Variants in TRHR observed in about 807,000 individuals in gnomAD.
The protein encoded by TRHR is thyrotropin-releasing hormone receptor.
A neutral mutation model predicts 28.0 loss-of-function variants in TRHR; 14 were observed. That is an observed-to-expected ratio of 0.50 (90% CI 0.33 to 0.78). TRHR has a LOEUF of 0.78. Ranked by LOEUF, TRHR falls within the 30% of genes least tolerant of loss-of-function variation. TRHR has a pLI of 0.02. For synonymous variants in TRHR, 176 were observed against 171.9 expected (o/e 1.02, Z -0.18); for missense variants, 438 against 469.5 (o/e 0.93, Z 0.62).
At chr8:109,116,815 TGAA>T (rs1462453393) in intron 2 of TRHR, among the ~76,000 whole-genome samples, 3 of 151,956 alleles carry the variant, frequency 2.0e-5, no homozygotes, top group Non-Finnish European at 2.9e-5. Context: ...AGTAGGGAAA[TGAA>T]GAAATTTTCC....
chr8:109,115,075 G>A (rs1484805500), intron 2 of TRHR, among the ~76,000 whole-genome samples: 1 of 152,048 alleles, frequency 6.6e-6, no homozygotes, highest in Non-Finnish European at 1.5e-5. Context: ...TAAAGAAGCT[G>A]TCTTTCATAT....
chr8:109,112,667 A>G (rs1811852831), intron 2 of TRHR, among the ~76,000 whole-genome samples: 2 of 152,102 alleles, frequency 1.3e-5, no homozygotes, highest in South Asian at 4.1e-4. Flanking sequence ...TGGCAACAAT[A>G]TTATGTCTTT....
chr8:109,103,466 G>A (rs1393481618), intron 2 of TRHR, among the ~76,000 whole-genome samples: 12 of 152,098 alleles, frequency 7.9e-5, no homozygotes. Flanking sequence ...TTAATAAACA[G>A]GATCGATCAA....
intron 2 of TRHR, among the ~76,000 whole-genome samples, chr8:109,093,684 A>G (rs926656498): frequency 6.6e-6 from 1 of 151,848 alleles, no homozygotes; most frequent in African/African-American, 2.4e-5. Context: ...GATTACAGGC[A>G]TGAGCCACCA....
rs1811461888 is a variant in TRHR, at chr8:109,087,881, G to A, written c.369G>A (p.Arg123=). The A allele has an allele frequency of 3.7e-6, 6 of 1,614,026 alleles. No individual in the cohort carries two copies. Among genetic ancestry groups the A allele is most frequent in the South Asian group, 1.1e-5 (1 of 91,082 alleles). The change falls in exon 2 of 3, where the codon AGG becomes AGA. Residue 123 remains arginine (R), a synonymous_variant. Transcript: ENST00000518632. ...CAATAACAGCCTTTACCATTGAGAG[G>A]TACATAGCAATCTGTCACCCCATCA... ...SCSITAFTIE[R]YIAICHPIKA... is the part of the protein sequence containing the mutation.
intron 1 of TRHR, 63 bp downstream of exon 1, chr8:109,086,946 C>G (rs1811443018): frequency 6.3e-6 from 1 of 158,468 alleles, no homozygotes; most frequent in Non-Finnish European, 1.4e-5. Flanking sequence ...AATGTCATCT[C>G]AAAGGCTTGC....
Position 109,119,363 on chromosome 8 carries a change from G to T in TRHR, c.1105G>T (p.Asp369Tyr). 1 of 1,612,370 alleles carries T rather than the reference G, an allele frequency of 6.2e-7. No homozygotes were observed. Among genetic ancestry groups the T allele is most frequent in the Non-Finnish European group, 8.5e-7 (1 of 1,179,034 alleles). Residue 369 changes from aspartate (D) to tyrosine (Y), a missense_variant, in exon 3 of 3, where the codon GAT becomes TAT. Physicochemically the swap from Asp to Tyr is radical, Grantham distance 160 (BLOSUM62 -3). Coordinates refer to ENST00000518632, the MANE Select transcript of TRHR (RefSeq NM_003301.7). Reference sequence around the variant, plus strand: ...AGACCATTTCAGCACAGAGCTTGATGATATCACTGTCACTGACACTTACCT... The same window carrying T: ...AGACCATTTCAGCACAGAGCTTGATTATATCACTGTCACTGACACTTACCT... ...ESDHFSTELDDITVTDTYLSA... is the reference protein window; with the variant it reads ...ESDHFSTELDYITVTDTYLSA...
chr8:109,088,042 T>C lies in TRHR; in HGVS notation c.530T>C (p.Ile177Thr), dbSNP rs1811465815. 8.7e-6 allele frequency: 14 copies of C among 1,614,180 alleles called. No individual in the cohort carries two copies. In the East Asian group the frequency reaches 1.1e-4, roughly 13 times the overall value. ...AGCACCTACAAAGATGCTATTGTGA[T>C]ATCCTGTGGCTACAAGATCTCCAGG... ...NISTYKDAIV[I>T]SCGYKISRNY... is the part of the protein sequence containing the mutation. The change falls in exon 2 of 3, where the codon ATA (isoleucine) becomes ACA (threonine). Residue 177 changes from isoleucine to threonine, a missense_variant. Coordinates refer to ENST00000518632, the MANE Select transcript of TRHR (RefSeq NM_003301.7).
intron 2 of TRHR, among the ~76,000 whole-genome samples, chr8:109,100,112 T>C (rs1214656885): frequency 6.6e-6 from 1 of 152,198 alleles, no homozygotes; most frequent in Non-Finnish European, 1.5e-5. Flanking sequence ...TTTCCTCTGA[T>C]AGGAGTTCGG....
intron 2 of TRHR, among the ~76,000 whole-genome samples, chr8:109,091,159 G>A (rs1181122685): frequency 6.6e-6 from 1 of 152,140 alleles, no homozygotes. Flanking sequence ...TGTTAGTAGT[G>A]ATACAGGCAT....
intron 2 of TRHR, among the ~76,000 whole-genome samples, chr8:109,117,990 C>T (rs2129939263): frequency 6.6e-6 from 1 of 152,052 alleles, no homozygotes; most frequent in Admixed American, 6.6e-5. Context: ...GGGATATTGA[C>T]CTCATCCTAC....
chr8:109,110,750 T>A (rs190147546), intron 2 of TRHR, among the ~76,000 whole-genome samples: 1 of 152,292 alleles, frequency 6.6e-6, no homozygotes, highest in Admixed American at 6.5e-5. Flanking sequence ...ACACAGTAAC[T>A]GACAAGTTGA....
chr8:109,115,596 A>AT (rs1325730732), intron 2 of TRHR, among the ~76,000 whole-genome samples: 5 of 151,916 alleles, frequency 3.3e-5, no homozygotes, highest in Non-Finnish European at 5.9e-5. Flanking sequence ...TTCACTCATG[A>AT]TTTGGCTGTT....
intron 2 of TRHR, among the ~76,000 whole-genome samples, chr8:109,093,195 C>T (rs1811540122): frequency 6.6e-6 from 1 of 151,960 alleles, no homozygotes; most frequent in Admixed American, 6.6e-5. Flanking sequence ...GCTTTCCTCC[C>T]ACCTGTCCAG....
chr8:109,088,216 A>G lies in TRHR; in HGVS notation c.704A>G (p.Lys235Arg), dbSNP rs201522675. ...CCTAAAGAAAACTCTAAGACATGGA[A>G]AAATGATTCAACCCATCAGAACACA... ...SDPKENSKTW[K>R]NDSTHQNTNL... The change falls in exon 2 of 3, where the codon AAA (lysine) becomes AGA (arginine). Residue 235 changes from lysine to arginine, a missense_variant. Transcript: ENST00000518632. 9 of 1,614,144 alleles carry G rather than the reference A, an allele frequency of 5.6e-6. No individual in the cohort carries two copies. Among genetic ancestry groups the G allele is most frequent in the Non-Finnish European group, 7.6e-6 (9 of 1,180,018 alleles).
chr8:109,105,087 T>C (rs1483910245), intron 2 of TRHR, among the ~76,000 whole-genome samples: 1 of 152,164 alleles, frequency 6.6e-6, no homozygotes, highest in Non-Finnish European at 1.5e-5. Context: ...TACTGAGCTG[T>C]TATATGTGCC....
rs75328403 is a variant in TRHR, at chr8:109,110,785, C to T, written c.790-8263C>T. On this transcript the variant is annotated intron_variant, in intron 2 of 2. Transcript: ENST00000518632. ...ATGTCAAGCCCTTTTGTAGCCCCATCATTCAACTTTTAAGCCCCATGAATG... is the reference window on the plus strand; with the variant it reads ...ATGTCAAGCCCTTTTGTAGCCCCATTATTCAACTTTTAAGCCCCATGAATG... Among the ~76,000 whole-genome samples, 484 of 152,284 alleles carry T rather than the reference C, an allele frequency of 3.2e-3. 3 individuals are homozygous for T. The highest frequency in any genetic ancestry group is 0.011 in the African/African-American group (449 of 41,564).
At position 109,120,826 on chromosome 8, in the gene TRHR, G is replaced by C. The variant is rs1235481786; in HGVS notation, c.*1371G>C. ...ACCAGAATCTCCGAGGGCAAAAATTGCCCTTGGTGATGGTTCAGTAGTCAT... is the reference window on the plus strand; with the variant it reads ...ACCAGAATCTCCGAGGGCAAAAATTCCCCTTGGTGATGGTTCAGTAGTCAT... On this transcript the variant is annotated 3_prime_UTR_variant, in exon 3 of 3. Coordinates refer to ENST00000518632, the MANE Select transcript of TRHR (RefSeq NM_003301.7). 6.6e-6 allele frequency among the ~76,000 whole-genome samples: 1 copy of C among 151,522 alleles called. No individual in the cohort carries two copies. Among genetic ancestry groups the C allele is most frequent in the East Asian group, 2.0e-4 (1 of 5,124 alleles).
chr8:109,111,067 G>A (rs998176769), intron 2 of TRHR, among the ~76,000 whole-genome samples: 31 of 152,058 alleles, frequency 2.0e-4, no homozygotes, highest in African/African-American at 7.2e-4. Context: ...CAAGAGAATC[G>A]CTTGAACCCA....
Sources: gnomAD v4.1 joint callset for allele counts (sites outside exome capture counted in the v4.1 genomes callset) on GRCh38, gnomAD v4.1.1 for gene constraint, MANE v1.5 for transcripts, NCBI Gene and HGNC (gene_info 2026-07-23, HGNC 2026-07-21) for gene names.